Variants in TUSC3 observed in about 807,000 individuals in gnomAD.
The protein encoded by TUSC3 is tumor suppressor candidate 3.
TUSC3 carries 45 observed loss-of-function variants against 44.8 expected under a neutral mutation model. The ratio of observed to expected loss-of-function variants is 1.00; its 90% confidence interval spans 0.79 to 1.29. The LOEUF is 1.29. TUSC3 is among the 50% of genes most tolerant of loss of function. TUSC3 has a pLI of 0.00. For missense variants in TUSC3, 519 were observed against 437.9 expected, an observed-to-expected ratio of 1.19 and a Z score of -1.65; for synonymous variants, 212 against 152.9, an observed-to-expected ratio of 1.39 and a Z score of -2.85.
chr8:15,747,023 A>G (rs1159660928), intron 8 of TUSC3, among the ~76,000 whole-genome samples: 2 of 152,144 alleles, frequency 1.3e-5, no homozygotes, highest in East Asian at 1.9e-4. Flanking sequence ...ATGAAATGTC[A>G]GAGGCTACAC....
chr8:15,453,780 A>G (rs1359368567), intron 1 of TUSC3, among the ~76,000 whole-genome samples: 1 of 152,156 alleles, frequency 6.6e-6, no homozygotes, highest in Non-Finnish European at 1.5e-5. Context: ...CCCTACCCAC[A>G]ACCAGGAATG....
intron 1 of TUSC3, among the ~76,000 whole-genome samples, chr8:15,543,792 T>C (rs1408862246): frequency 1.3e-5 from 2 of 151,662 alleles, no homozygotes; most frequent in Admixed American, 1.3e-4. Context: ...TTATATGGTC[T>C]GTGGAATAGT....
At chr8:15,496,622 T>C (rs993477991) in intron 2 of TUSC3, among the ~76,000 whole-genome samples, 2 of 152,108 alleles carry the variant, frequency 1.3e-5, no homozygotes, top group Non-Finnish European at 1.5e-5. Context: ...GCCTTGACCC[T>C]AGATACAGGC....
In TUSC3 at chr8:15,523,686, G is replaced by GTATATA. The variant is rs1239992834; in HGVS notation, n.189+40204_189+40205insATATAT. The stretch of plus-strand genomic sequence containing the variant: ...TATATGTGTGTGTGTGTGTGTGTGT[G>GTATATA]TGTGTGTGTGTGTGTGTGTGTGTAT... On this transcript the variant is annotated intron_variant and non_coding_transcript_variant, in intron 2 of 5. Coordinates refer to the TUSC3 transcript ENST00000503191. Among the ~76,000 whole-genome samples, 46 of 46,090 alleles carry GTATATA rather than the reference G, an allele frequency of 1.0e-3. 1 individual carries two copies. The highest frequency in any genetic ancestry group is 2.4e-3 in the South Asian group (4 of 1,680). 30.2% of individuals were successfully genotyped at this position (46,090 alleles called of 152,430 possible).
intron 1 of TUSC3, among the ~76,000 whole-genome samples, chr8:15,587,008 C>A (rs2129148945): frequency 6.6e-6 from 1 of 152,252 alleles, no homozygotes; most frequent in South Asian, 2.1e-4. Context: ...CTTTGAAAAC[C>A]ACTGCTTTTC....
chr8:15,620,455 G>A (rs1292604295), intron 1 of TUSC3, among the ~76,000 whole-genome samples: 2 of 151,938 alleles, frequency 1.3e-5, no homozygotes, highest in Admixed American at 1.3e-4. Context: ...ATTTTTTTTA[G>A]TATTAAACAT....
chr8:15,601,788 G>T (rs964810298), intron 1 of TUSC3, among the ~76,000 whole-genome samples: 1 of 151,582 alleles, frequency 6.6e-6, no homozygotes, highest in Non-Finnish European at 1.5e-5. Context: ...GAGCTTTCCT[G>T]AGTTTCTGAA....
At chr8:15,785,868 G>C in the TUSC3 span, among the ~76,000 whole-genome samples, 1 of 151,854 alleles carries the variant, frequency 6.6e-6, no homozygotes, top group East Asian at 1.9e-4. Flanking sequence ...CCTGGATAGA[G>C]ACATTTCAGA....
chr8:15,704,199 G>C (rs1809521248), intron 6 of TUSC3, among the ~76,000 whole-genome samples: 1 of 150,350 alleles, frequency 6.7e-6, no homozygotes, highest in Non-Finnish European at 1.5e-5. Context: ...GATTTATATA[G>C]TATCGGAAGA....
At chr8:15,634,980 C>G (rs547692855) in intron 2 of TUSC3, among the ~76,000 whole-genome samples, 7 of 152,158 alleles carry the variant, frequency 4.6e-5, no homozygotes, top group Non-Finnish European at 1.0e-4. Flanking sequence ...TGGTCATTAT[C>G]CTTATTAACT....
At chr8:15,645,630 T>C (rs1163924339) in intron 2 of TUSC3, among the ~76,000 whole-genome samples, 1 of 152,096 alleles carries the variant, frequency 6.6e-6, no homozygotes. Flanking sequence ...CATATGAAAA[T>C]GTTGAGTATA....
chr8:15,748,922 G>A (rs1485366078), intron 9 of TUSC3: 1 of 365,930 alleles, frequency 2.7e-6, no homozygotes, highest in Non-Finnish European at 5.3e-6. Context: ...ATAATTTCTG[G>A]TCATTATAAA....
chr8:15,722,705 A>G (rs1377228191), intron 6 of TUSC3, among the ~76,000 whole-genome samples: 2 of 152,124 alleles, frequency 1.3e-5, no homozygotes, highest in African/African-American at 4.8e-5. Context: ...TTCTGTCTGT[A>G]GAGCTCTGGA....
chr8:15,650,611 T>G, intron 2 of TUSC3, 86 bp from the exon 3 acceptor site: 3 of 1,156,178 alleles, frequency 2.6e-6, no homozygotes, highest in Non-Finnish European at 3.9e-6. Context: ...TGGCCAGTGC[T>G]TGTCCTAGGG....
chr8:15,474,428 A>G (rs1200268098), intron 1 of TUSC3, among the ~76,000 whole-genome samples: 2 of 152,186 alleles, frequency 1.3e-5, no homozygotes, highest in African/African-American at 4.8e-5. Flanking sequence ...AAACTGGTGA[A>G]TGTCCATGAA....
intron 2 of TUSC3, among the ~76,000 whole-genome samples, chr8:15,649,518 A>G (rs1806789711): frequency 6.6e-6 from 1 of 151,178 alleles, no homozygotes; most frequent in South Asian, 2.1e-4. Flanking sequence ...TGGGAGGCGG[A>G]GCTTGCAGTG....
intron 1 of TUSC3, among the ~76,000 whole-genome samples, chr8:15,420,147 T>C (rs1048317942): frequency 6.6e-6 from 1 of 152,142 alleles, no homozygotes; most frequent in Non-Finnish European, 1.5e-5. Context: ...AATTCACCTT[T>C]AGAGAGTTAT....
chr8:15,441,113 C>T (rs1800015178), intron 1 of TUSC3, among the ~76,000 whole-genome samples: 1 of 152,176 alleles, frequency 6.6e-6, no homozygotes, highest in Admixed American at 6.6e-5. Context: ...AATTAAAAAT[C>T]AAGTAAGTGA....
chr8:15,808,510 G>C, the TUSC3 span, among the ~76,000 whole-genome samples: 1 of 152,078 alleles, frequency 6.6e-6, no homozygotes, highest in Non-Finnish European at 1.5e-5. Context: ...GGCCAATTCT[G>C]CTTCCAGCCT....
Sources: allele counts gnomAD v4.1 joint callset (sites outside exome capture counted in the v4.1 genomes callset), GRCh38; gene constraint gnomAD v4.1.1; transcripts MANE v1.5; gene names NCBI Gene and HGNC (gene_info 2026-07-23, HGNC 2026-07-21).